Variants in DCLK1 observed in about 807,000 individuals in gnomAD.
DCLK1 encodes doublecortin like kinase 1, also known as serine/threonine-protein kinase DCLK1.
Under a neutral mutation model 86.2 loss-of-function variants are expected in DCLK1, and 16 were observed. The observed-to-expected ratio is 0.19, with a 90% CI of 0.13 to 0.28. The LOEUF (loss-of-function observed/expected upper bound fraction) is 0.28. Ranked by LOEUF, DCLK1 falls within the 10% of genes least tolerant of loss-of-function variation. The pLI is 1.00. For synonymous variants in DCLK1, 369 were observed against 370.5 expected (o/e 1.00, Z 0.05); for missense variants, 590 against 940.2 (o/e 0.63, Z 4.87).
At chr13:35,788,141 G>A (rs1220062536) in intron 16 of DCLK1, 13 of 1,405,212 alleles carry the variant, frequency 9.3e-6, no homozygotes, top group Middle Eastern at 1.8e-4. Flanking sequence ...ATCCACCGAA[G>A]GAACTGGTTA....
intron 15 of DCLK1, among the ~76,000 whole-genome samples, chr13:35,800,669 T>C (rs2086900456): frequency 6.6e-6 from 1 of 152,122 alleles, no homozygotes; most frequent in Non-Finnish European, 1.5e-5. Context: ...TGCCCTATGC[T>C]TTACTGTCTA....
chr13:35,791,191 G>A (rs1225613347), intron 16 of DCLK1, among the ~76,000 whole-genome samples: 1 of 149,542 alleles, frequency 6.7e-6, no homozygotes, highest in Non-Finnish European at 1.5e-5. Context: ...TATGAATTGT[G>A]CTATAGATCT....
chr13:35,927,452 G>A (rs1318553339), intron 4 of DCLK1, among the ~76,000 whole-genome samples: 1 of 152,160 alleles, frequency 6.6e-6, no homozygotes, highest in East Asian at 1.9e-4. Context: ...TTCTCTGTTT[G>A]CAAAGATCCA....
At chr13:35,897,225 A>G (rs1489825019) in intron 4 of DCLK1, among the ~76,000 whole-genome samples, 1 of 152,210 alleles carries the variant, frequency 6.6e-6, no homozygotes, top group Non-Finnish European at 1.5e-5. Context: ...TTTTAAAAGA[A>G]TAAGTAAGAC....
chr13:35,997,375 T>A (rs878911616), intron 3 of DCLK1, among the ~76,000 whole-genome samples: 1 of 152,220 alleles, frequency 6.6e-6, no homozygotes, highest in Non-Finnish European at 1.5e-5. Flanking sequence ...GGGAAAATCA[T>A]CGTAGAGCAG....
Position 35,774,636 on chromosome 13 carries a change from G to A in DCLK1, c.2122C>T (p.Arg708Trp), listed in dbSNP as rs780857999. The change falls in exon 17 of 17, where the codon CGG becomes TGG. Residue 708 changes from arginine (R) to tryptophan (W), a missense_variant. By Grantham distance (101) the Arg-to-Trp change is moderately radical (BLOSUM62 -3). Transcript: ENST00000360631. The stretch of plus-strand genomic sequence containing the variant: ...GGAGGAGCTGGCTGCGCCTTGTACC[G>A]GCTCCTCACATCCTGGTTGCGTCTT... ...RRRRNQDVRS[R>W]YKAQPAPPEL... 2 of 1,607,836 alleles carry A rather than the reference G, an allele frequency of 1.2e-6. No individual in the cohort carries two copies. The highest frequency in any genetic ancestry group is 1.7e-6 in the Non-Finnish European group (2 of 1,177,214).
intron 4 of DCLK1, among the ~76,000 whole-genome samples, chr13:35,900,649 T>A (rs967075158): frequency 3.3e-5 from 5 of 152,204 alleles, no homozygotes; most frequent in African/African-American, 9.6e-5. Context: ...ACTATTGGGC[T>A]AGATAATTCT....
intron 4 of DCLK1, among the ~76,000 whole-genome samples, chr13:35,924,608 C>T (rs2153127638): frequency 6.6e-6 from 1 of 152,196 alleles, no homozygotes; most frequent in South Asian, 2.1e-4. Flanking sequence ...CGAGATCGTG[C>T]CACTGCACTC....
chr13:36,117,531 T>C (rs921771653), intron 2 of DCLK1, among the ~76,000 whole-genome samples: 5 of 152,092 alleles, frequency 3.3e-5, no homozygotes, highest in African/African-American at 1.2e-4. Context: ...ATTACAGACA[T>C]TAAAATGGTA....
intron 16 of DCLK1, among the ~76,000 whole-genome samples, chr13:35,783,748 C>G (rs1009758935): frequency 6.6e-6 from 1 of 152,024 alleles, no homozygotes; most frequent in Non-Finnish European, 1.5e-5. Flanking sequence ...CCATGCCCAG[C>G]TAATTTTTTG....
chr13:35,818,022 A>G (rs985014464), intron 11 of DCLK1, among the ~76,000 whole-genome samples: 5 of 152,150 alleles, frequency 3.3e-5, no homozygotes, highest in Non-Finnish European at 1.5e-5. Flanking sequence ...CACTTCTGTC[A>G]TTGGTATAAT....
At chr13:36,113,608 G>A (rs1885686523) in intron 2 of DCLK1, among the ~76,000 whole-genome samples, 1 of 152,150 alleles carries the variant, frequency 6.6e-6, no homozygotes, top group African/African-American at 2.4e-5. Flanking sequence ...ATGATAGTGG[G>A]AAGAGAGAAC....
At chr13:35,942,333 A>AT (rs1349690900) in intron 4 of DCLK1, among the ~76,000 whole-genome samples, 2 of 151,896 alleles carry the variant, frequency 1.3e-5, no homozygotes, top group Admixed American at 6.6e-5. Context: ...CACCCAGCTA[A>AT]TTTTTTGTAT....
intron 3 of DCLK1, among the ~76,000 whole-genome samples, chr13:36,100,426 A>C (rs1885176938): frequency 6.6e-6 from 1 of 152,056 alleles, no homozygotes; most frequent in Non-Finnish European, 1.5e-5. Flanking sequence ...AAAATACAAT[A>C]AGCCTGCGCT....
intron 4 of DCLK1, among the ~76,000 whole-genome samples, chr13:35,900,395 C>A (rs2153122042): frequency 6.6e-6 from 1 of 152,134 alleles, no homozygotes; most frequent in African/African-American, 2.4e-5. Context: ...CGTGCACCAC[C>A]ACACCCAGCT....
Position 35,774,459 on chromosome 13 carries a change from GT to G in DCLK1, c.*75del. The G allele has an allele frequency of 6.6e-7, 1 of 1,518,442 alleles. No homozygotes were observed. Among genetic ancestry groups the G allele is most frequent in the Non-Finnish European group, 8.9e-7 (1 of 1,123,886 alleles). 94.1% of individuals were successfully genotyped at this position (1,518,442 alleles called of 1,614,324 possible). A position where few individuals can be genotyped will look rare whatever the true frequency, so the allele number is the denominator to read the frequency against. On this transcript the variant is annotated 3_prime_UTR_variant, in exon 17 of 17. Transcript: ENST00000360631. The stretch of plus-strand genomic sequence containing the variant: ...AGCGCTAGATAGATCAGATGAAACT[GT>G]TTTACACAAATTTGGGGGAAAAAAA...
intron 6 of DCLK1, chr13:35,846,182 A>G (rs1870160504): frequency 1.0e-6 from 1 of 985,262 alleles, no homozygotes; most frequent in African/African-American, 1.7e-5. Flanking sequence ...AAGAGAATAC[A>G]CATCCAATCA....
intron 3 of DCLK1, among the ~76,000 whole-genome samples, chr13:35,958,284 G>GTTATAACCATCACCACCA (rs1878244035): frequency 2.7e-4 from 2 of 7,372 alleles, no homozygotes; most frequent in Admixed American, 1.6e-3. Context: ...CACCATCACT[G>GTTATAACCATCACCACCA]CCACTATAAC....
At chr13:35,849,279 A>G in intron 6 of DCLK1, 1 of 985,362 alleles carries the variant, frequency 1.0e-6, no homozygotes, top group Non-Finnish European at 1.2e-6. Flanking sequence ...ATAAATCAAT[A>G]ACATTTAAAA....
Sources: allele counts gnomAD v4.1 joint callset (sites outside exome capture counted in the v4.1 genomes callset), GRCh38; gene constraint gnomAD v4.1.1; transcripts MANE v1.5; gene names NCBI Gene and HGNC (gene_info 2026-07-23, HGNC 2026-07-21).